Variants in UBE2E2 observed in about 807,000 individuals in gnomAD.
The protein encoded by UBE2E2 is ubiquitin-conjugating enzyme E2 E2.
UBE2E2 carries 6 observed loss-of-function variants against 24.7 expected under a neutral mutation model. The observed-to-expected ratio is 0.24, with a 90% CI of 0.13 to 0.48. The LOEUF is 0.48. UBE2E2 is among the 20% of genes least tolerant of loss of function. UBE2E2 has a pLI of 0.99. For missense variants in UBE2E2, 169 were observed against 245.0 expected (o/e 0.69, Z 2.07); for synonymous variants, 104 against 83.6 (o/e 1.24, Z -1.33).
intron 3 of UBE2E2, among the ~76,000 whole-genome samples, chr3:23,497,285 G>A (rs991525085): frequency 3.3e-5 from 5 of 152,070 alleles, no homozygotes; most frequent in African/African-American, 4.8e-5. Flanking sequence ...TAAGGTTTAC[G>A]GTATTGCACA....
chr3:23,548,867 A>C (rs1310512576), intron 5 of UBE2E2, among the ~76,000 whole-genome samples: 1 of 152,152 alleles, frequency 6.6e-6, no homozygotes, highest in Admixed American at 6.6e-5. Context: ...ATAATCTTGG[A>C]ATATCCCTTT....
At chr3:23,428,481 G>A (rs1197525051) in intron 3 of UBE2E2, among the ~76,000 whole-genome samples, 1 of 152,036 alleles carries the variant, frequency 6.6e-6, no homozygotes, top group African/African-American at 2.4e-5. Flanking sequence ...TTCTACCTTA[G>A]AAAAGAAGAA....
At chr3:23,462,582 G>A (rs1394431416) in intron 3 of UBE2E2, among the ~76,000 whole-genome samples, 2 of 152,048 alleles carry the variant, frequency 1.3e-5, no homozygotes, top group Non-Finnish European at 2.9e-5. Flanking sequence ...ACCAGTCTAG[G>A]CAGACAGAGT....
At chr3:23,580,771 A>C (rs911933507) in intron 5 of UBE2E2, among the ~76,000 whole-genome samples, 1 of 152,222 alleles carries the variant, frequency 6.6e-6, no homozygotes, top group Non-Finnish European at 1.5e-5. Flanking sequence ...TGCCAGGTAA[A>C]AAAGTAGAAA....
At chr3:23,360,925 A>G (rs185799218) in intron 3 of UBE2E2, among the ~76,000 whole-genome samples, 1 of 152,250 alleles carries the variant, frequency 6.6e-6, no homozygotes, top group Admixed American at 6.5e-5. Context: ...ATATTCACAA[A>G]CTATGCATTT....
chr3:23,514,359 T>G (rs1303499555), intron 4 of UBE2E2, among the ~76,000 whole-genome samples: 1 of 152,214 alleles, frequency 6.6e-6, no homozygotes, highest in Non-Finnish European at 1.5e-5. Flanking sequence ...CAGATATGAT[T>G]GATGAAGCAA....
intron 3 of UBE2E2, among the ~76,000 whole-genome samples, chr3:23,305,614 G>T (rs1180929009): frequency 1.3e-5 from 2 of 152,180 alleles, no homozygotes; most frequent in Admixed American, 1.3e-4. Context: ...AGGTCTCTGG[G>T]ATGCTCAGAG....
intron 4 of UBE2E2, among the ~76,000 whole-genome samples, chr3:23,516,958 A>T (rs1694756668): frequency 1.3e-5 from 2 of 152,170 alleles, no homozygotes; most frequent in Admixed American, 1.3e-4. Flanking sequence ...TTCAAACAAA[A>T]CTATTTATTT....
intron 4 of UBE2E2, among the ~76,000 whole-genome samples, chr3:23,522,939 TCTGTACCATGATACAATCTACCATTAA>T (rs1694902774): frequency 6.6e-6 from 1 of 151,636 alleles, no homozygotes; most frequent in African/African-American, 2.4e-5. Context: ...AAGATTTCTG[TCTGTACCATGATACAATCTACCATTAA>T]GGAGAATCTT....
At position 23,546,260 on chromosome 3, in the gene UBE2E2, A is replaced by G. The variant is rs375022367; in HGVS notation, c.508+13559A>G. ...CTTCAGTTTATGTTTAGAAGACTTC[A>G]TTTTGGAGTTACCCTTAAAAATTAC... On this transcript the variant is annotated intron_variant, in intron 5 of 5. Transcript: ENST00000396703. Among the ~76,000 whole-genome samples the G allele has an allele frequency of 4.6e-5, 7 of 152,248 alleles. No homozygotes were observed. The South Asian group carries it at 1.4e-3, about 32-fold the overall frequency.
chr3:23,423,984 G>A (rs1697863865), intron 3 of UBE2E2, among the ~76,000 whole-genome samples: 1 of 152,130 alleles, frequency 6.6e-6, no homozygotes, highest in Admixed American at 6.5e-5. Context: ...TCTGGTGGTT[G>A]ACCTCTTGAG....
intron 5 of UBE2E2, among the ~76,000 whole-genome samples, chr3:23,539,291 A>T (rs934271278): frequency 6.6e-6 from 1 of 152,164 alleles, no homozygotes; most frequent in South Asian, 2.1e-4. Context: ...TTTTTGATAG[A>T]TTCTTACTAG....
chr3:23,289,724 A>C (rs540918459), intron 3 of UBE2E2, among the ~76,000 whole-genome samples: 1 of 152,310 alleles, frequency 6.6e-6, no homozygotes, highest in South Asian at 2.1e-4. Context: ...AATGCATGCT[A>C]TTTAGTTTTG....
chr3:23,356,482 C>T (rs1695956153), intron 3 of UBE2E2, among the ~76,000 whole-genome samples: 1 of 152,204 alleles, frequency 6.6e-6, no homozygotes, highest in African/African-American at 2.4e-5. Flanking sequence ...CTGACACTAA[C>T]TGCAGACAAA....
chr3:23,443,101 G>A (rs1313262617), intron 3 of UBE2E2, among the ~76,000 whole-genome samples: 3 of 152,022 alleles, frequency 2.0e-5, no homozygotes, highest in Non-Finnish European at 4.4e-5. Flanking sequence ...TCCCTCTCGT[G>A]GCCATTAATG....
intron 3 of UBE2E2, among the ~76,000 whole-genome samples, chr3:23,433,943 A>G (rs1465564348): frequency 6.6e-6 from 1 of 152,094 alleles, no homozygotes; most frequent in East Asian, 1.9e-4. Context: ...TCTCATTTAC[A>G]TTTAAAATAA....
intron 4 of UBE2E2, among the ~76,000 whole-genome samples, chr3:23,530,505 T>G (rs1225517898): frequency 2.6e-5 from 4 of 152,250 alleles, no homozygotes; most frequent in Non-Finnish European, 4.4e-5. Context: ...TAACAATGCT[T>G]TTTCCCTTAA....
chr3:23,484,452 T>A (rs182597324), intron 3 of UBE2E2, among the ~76,000 whole-genome samples: 66 of 152,332 alleles, frequency 4.3e-4, no homozygotes, highest in African/African-American at 1.6e-3. Flanking sequence ...TGAAAACTTT[T>A]TTTTTTACAG....
intron 3 of UBE2E2, among the ~76,000 whole-genome samples, chr3:23,243,005 G>A (rs1697297187): frequency 6.6e-6 from 1 of 151,866 alleles, no homozygotes; most frequent in South Asian, 2.1e-4. Flanking sequence ...AGAATTGCTT[G>A]AACCTGGGAG....
Sources: allele counts gnomAD v4.1 joint callset (sites outside exome capture counted in the v4.1 genomes callset), GRCh38; gene constraint gnomAD v4.1.1; transcripts MANE v1.5; gene names NCBI Gene and HGNC (gene_info 2026-07-23, HGNC 2026-07-21).